The following CHCT1 variants were observed in gnomAD, a reference collection of about 807,000 sequenced individuals.
CHCT1 encodes CHD1 helical C-terminal domain containing 1, also known as CHD1 helical C-terminal domain containing protein 1.
chr17:60,430,544 G>A, the CHCT1 span, among the ~76,000 whole-genome samples: 210 of 152,154 alleles, frequency 1.4e-3, 1 homozygote, highest in African/African-American at 4.8e-3. Flanking sequence ...GCAGTTGTGC[G>A]ATCTCAGCTC....
chr17:60,430,113 C>T, the CHCT1 span, among the ~76,000 whole-genome samples: 15 of 142,106 alleles, frequency 1.1e-4, no homozygotes, highest in East Asian at 3.1e-3. Flanking sequence ...GTGTGAGCCA[C>T]GCACCTGGCT....
chr17:60,426,072 C>T, the CHCT1 span: 11 of 1,412,528 alleles, frequency 7.8e-6, no homozygotes, highest in Non-Finnish European at 1.1e-5. Context: ...CTCAGGGCTG[C>T]GGCCAGACCG....
At chr17:60,421,278 C>CG in the CHCT1 span, 1 of 784,082 alleles carries the variant, frequency 1.3e-6, no homozygotes, top group Non-Finnish European at 1.5e-6. Context: ...AACAACAAGA[C>CG]GTTTGCTGAA....
chr17:60,424,609 G>A, the CHCT1 span, among the ~76,000 whole-genome samples: 1 of 152,180 alleles, frequency 6.6e-6, no homozygotes, highest in African/African-American at 2.4e-5. Flanking sequence ...TAGACCCTGG[G>A]TGCGGTGGCT....
the CHCT1 span, chr17:60,421,576 C>T: frequency 2.0e-6 from 2 of 985,324 alleles, no homozygotes; most frequent in Non-Finnish European, 2.4e-6. Context: ...GAAAAGGTGG[C>T]TCGAGTGAGG....
chr17:60,421,608 C>T, the CHCT1 span: 1 of 980,958 alleles, frequency 1.0e-6, no homozygotes, highest in Non-Finnish European at 1.2e-6. Flanking sequence ...GCAACGGTCT[C>T]TCGTCGCCGG....
the CHCT1 span, chr17:60,425,849 C>T: frequency 6.4e-7 from 1 of 1,551,790 alleles, no homozygotes; most frequent in Non-Finnish European, 8.7e-7. Context: ...GCTCATGCGC[C>T]ATGCCAAGGG....
the CHCT1 span, among the ~76,000 whole-genome samples, chr17:60,424,533 T>C: frequency 3.9e-5 from 6 of 152,256 alleles, no homozygotes; most frequent in African/African-American, 1.4e-4. Context: ...GCATGAATCA[T>C]GAGGTCAGCC....
chr17:60,430,262 G>A, the CHCT1 span, among the ~76,000 whole-genome samples: 1 of 150,412 alleles, frequency 6.6e-6, no homozygotes, highest in Non-Finnish European at 1.5e-5. Flanking sequence ...CTATAAACAG[G>A]ACTCGAAAGT....
chr17:60,428,641 C>CA, the CHCT1 span, among the ~76,000 whole-genome samples: 3 of 151,804 alleles, frequency 2.0e-5, no homozygotes, highest in African/African-American at 7.3e-5. Context: ...CATGCACCAC[C>CA]ATGCCCAGCT....
the CHCT1 span, chr17:60,431,166 CCTT>C: frequency 6.4e-7 from 1 of 1,555,798 alleles, no homozygotes; most frequent in East Asian, 2.3e-5. Flanking sequence ...CTGTCTCTGA[CCTT>C]CTCTTTTTCA....
the CHCT1 span, among the ~76,000 whole-genome samples, chr17:60,423,805 G>T: frequency 1.3e-5 from 2 of 152,218 alleles, no homozygotes; most frequent in Admixed American, 6.5e-5. Flanking sequence ...GTGGTCAAAG[G>T]TTCTTTCTCA....
the CHCT1 span, chr17:60,421,775 C>T: frequency 3.3e-6 from 3 of 919,448 alleles, no homozygotes; most frequent in African/African-American, 5.4e-5. Context: ...CCTCGGGTCC[C>T]TGGAGGGCTC....
chr17:60,422,173 G>A, the CHCT1 span: 1 of 280,768 alleles, frequency 3.6e-6, no homozygotes, highest in Non-Finnish European at 6.5e-6. Context: ...TTCCTCTCGG[G>A]GAGCCCCCAC....
chr17:60,426,231 A>G, the CHCT1 span: 5 of 1,551,954 alleles, frequency 3.2e-6, no homozygotes, highest in Non-Finnish European at 4.4e-6. Context: ...CTTCCCCAGA[A>G]GAAGAAGCTG....
chr17:60,422,712 A>T, the CHCT1 span: 1 of 1,446,124 alleles, frequency 6.9e-7, no homozygotes, highest in Non-Finnish European at 9.2e-7. Flanking sequence ...AGTAGAGAAC[A>T]TGAAATTCAG....
chr17:60,426,198 G>A, the CHCT1 span: 32 of 1,551,622 alleles, frequency 2.1e-5, no homozygotes, highest in South Asian at 3.0e-4. Flanking sequence ...AAGTTCCTGC[G>A]AAAGTTGCAC....
the CHCT1 span, among the ~76,000 whole-genome samples, chr17:60,427,498 A>G: frequency 1.3e-5 from 2 of 151,564 alleles, no homozygotes; most frequent in East Asian, 1.9e-4. Flanking sequence ...GCTCACTGCA[A>G]CCTCCGCCTC....
At chr17:60,422,558 G>GTGCC in the CHCT1 span, 1 of 1,549,626 alleles carries the variant, frequency 6.5e-7, no homozygotes, top group Non-Finnish European at 8.7e-7. Context: ...GACGTGGGGA[G>GTGCC]TGCCACCCTG....
Sources: gnomAD v4.1 joint callset for allele counts (sites outside exome capture counted in the v4.1 genomes callset) on GRCh38, gnomAD v4.1.1 for gene constraint, MANE v1.5 for transcripts, NCBI Gene and HGNC (gene_info 2026-07-23, HGNC 2026-07-21) for gene names.